The following DNAH11 variants were observed in gnomAD, a reference collection of about 807,000 sequenced individuals.
The protein encoded by DNAH11 is dynein axonemal heavy chain 11, also known as axonemal beta dynein heavy chain 11.
DNAH11 carries 442 observed loss-of-function variants against 526.0 expected under a neutral mutation model. The observed-to-expected ratio is 0.84, with a 90% CI of 0.78 to 0.91. DNAH11 has a LOEUF of 0.91. Ranked by LOEUF, DNAH11 falls within the 40% of genes least tolerant of loss-of-function variation. DNAH11 has a pLI of 0.00. For missense variants in DNAH11, 6,989 were observed against 5,448.7 expected (o/e 1.28, Z -8.90); for synonymous variants, 2,461 against 1,935.9 (o/e 1.27, Z -7.12).
chr7:21,674,099 G>T (rs1386304937), intron 30 of DNAH11, among the ~76,000 whole-genome samples: 1 of 151,016 alleles, frequency 6.6e-6, no homozygotes, highest in South Asian at 2.1e-4. Context: ...TCACCCTGTC[G>T]CCCAGGCTGG....
intron 30 of DNAH11, among the ~76,000 whole-genome samples, chr7:21,677,162 AT>A (rs1386915029): frequency 1.4e-5 from 2 of 146,860 alleles, no homozygotes; most frequent in African/African-American, 5.1e-5. Context: ...GGTGTATCTC[AT>A]TTTACTGTGA....
chr7:21,849,979 C>CTT (rs567350027), intron 66 of DNAH11, among the ~76,000 whole-genome samples: 12 of 142,628 alleles, frequency 8.4e-5, no homozygotes, highest in African/African-American at 2.6e-4. Context: ...AATTTTTATT[C>CTT]TTTTTTTTTT....
chr7:21,647,427 C>CTTTT (rs71026810), intron 28 of DNAH11, among the ~76,000 whole-genome samples: 97 of 121,194 alleles, frequency 8.0e-4, no homozygotes, highest in Non-Finnish European at 1.1e-3. Flanking sequence ...TTCTTTCTTT[C>CTTTT]TTTTTTTTTT....
intron 44 of DNAH11, among the ~76,000 whole-genome samples, chr7:21,723,739 C>T (rs1784970569): frequency 6.7e-6 from 1 of 149,898 alleles, no homozygotes; most frequent in Admixed American, 6.7e-5. Flanking sequence ...CACTCCCCCA[C>T]TCCCCCACCC....
chr7:21,899,531 G>T lies in DNAH11; in HGVS notation c.13162+83G>T. The T allele has an allele frequency of 7.4e-6, 8 of 1,088,036 alleles. No homozygotes were observed. The African/African-American group carries it at 7.8e-5, about 11-fold the overall frequency. The allele number at this position is 1,088,036 out of a possible 1,614,324, so 67.4% of individuals were successfully genotyped here. The stretch of plus-strand genomic sequence containing the variant: ...CCCTGCTTTGTTTACCTATGATGGC[G>T]TCTCCTTGCCCTGCTCACCAATCCT... On this transcript the variant is annotated intron_variant, in intron 80 of 81. Coordinates refer to ENST00000409508, the MANE Select transcript of DNAH11 (RefSeq NM_001277115.2).
intron 29 of DNAH11, among the ~76,000 whole-genome samples, chr7:21,657,289 G>T (rs1432044698): frequency 6.6e-6 from 1 of 152,156 alleles, no homozygotes; most frequent in East Asian, 1.9e-4. Flanking sequence ...CAGGCTTTGG[G>T]GAGTTCCGAA....
chr7:21,878,847 T>A (rs150840068), intron 74 of DNAH11, among the ~76,000 whole-genome samples: 1 of 152,288 alleles, frequency 6.6e-6, no homozygotes, highest in East Asian at 1.9e-4. Context: ...CTACATATAC[T>A]TCATATATGG....
chr7:21,612,590 C>A (rs1320802796), intron 20 of DNAH11, among the ~76,000 whole-genome samples: 3 of 147,216 alleles, frequency 2.0e-5, no homozygotes, highest in Non-Finnish European at 4.4e-5. Context: ...ACTAAGAAGC[C>A]CTGATGGCTT....
intron 25 of DNAH11, among the ~76,000 whole-genome samples, chr7:21,627,451 T>A (rs1261154210): frequency 6.6e-6 from 1 of 152,232 alleles, no homozygotes; most frequent in African/African-American, 2.4e-5. Flanking sequence ...ATTTGATTTT[T>A]GTTTACATTG....
At chr7:21,851,592 G>C (rs1193393561) in intron 66 of DNAH11, 1 of 471,618 alleles carries the variant, frequency 2.1e-6, no homozygotes, top group Admixed American at 2.3e-5. Context: ...CAGAGCTGGT[G>C]TAGATTTTAT....
intron 30 of DNAH11, among the ~76,000 whole-genome samples, chr7:21,666,115 C>G (rs1283871126): frequency 6.6e-6 from 1 of 151,928 alleles, no homozygotes; most frequent in Non-Finnish European, 1.5e-5. Flanking sequence ...TAATTCCTTT[C>G]CTTGGTTATC....
At chr7:21,691,016 T>C in intron 35 of DNAH11, 135 bp downstream of exon 35, 1 of 649,130 alleles carries the variant, frequency 1.5e-6, no homozygotes, top group East Asian at 2.9e-5. Context: ...GGGCTCCTTT[T>C]ATAGACAGAA....
intron 68 of DNAH11, among the ~76,000 whole-genome samples, chr7:21,858,064 G>T (rs1421568961): frequency 6.6e-6 from 1 of 152,090 alleles, no homozygotes; most frequent in East Asian, 1.9e-4. Context: ...AAAAGAACTT[G>T]TACAACTCAG....
At chr7:21,699,698 T>G (rs981028590) in intron 36 of DNAH11, among the ~76,000 whole-genome samples, 1 of 152,106 alleles carries the variant, frequency 6.6e-6, no homozygotes, top group African/African-American at 2.4e-5. Flanking sequence ...TTAAAATCTT[T>G]TTTTAATGAG....
chr7:21,543,945 T>C (rs1006873800), intron 1 of DNAH11, among the ~76,000 whole-genome samples: 1 of 152,146 alleles, frequency 6.6e-6, no homozygotes, highest in Non-Finnish European at 1.5e-5. Context: ...CAGTTGCTCT[T>C]GGGTCACTCT....
chr7:21,570,842 C>G (rs1260772707), intron 7 of DNAH11: 3 of 151,220 alleles, frequency 2.0e-5, no homozygotes, highest in East Asian at 3.9e-4. Flanking sequence ...CACATACAAC[C>G]TACACATTCT....
intron 25 of DNAH11, among the ~76,000 whole-genome samples, chr7:21,625,836 T>A (rs1339022246): frequency 6.6e-6 from 1 of 152,176 alleles, no homozygotes; most frequent in East Asian, 1.9e-4. Flanking sequence ...ATTTCTACTT[T>A]TATGCCACTG....
At chr7:21,712,034 T>A (rs1252633865) in intron 42 of DNAH11, among the ~76,000 whole-genome samples, 174 bp downstream of exon 42, 1 of 152,174 alleles carries the variant, frequency 6.6e-6, no homozygotes, top group East Asian at 1.9e-4. Flanking sequence ...CAATAACACC[T>A]CATTCTCCCC....
chr7:21,898,861 C>T (rs1024226044), intron 79 of DNAH11, among the ~76,000 whole-genome samples: 10 of 152,208 alleles, frequency 6.6e-5, no homozygotes, highest in African/African-American at 1.7e-4. Flanking sequence ...ACTGCCGTCA[C>T]GTGCTCCACT....
Sources: gnomAD v4.1 joint callset for allele counts (sites outside exome capture counted in the v4.1 genomes callset) on GRCh38, gnomAD v4.1.1 for gene constraint, MANE v1.5 for transcripts, NCBI Gene and HGNC (gene_info 2026-07-23, HGNC 2026-07-21) for gene names.